CNTNAP3B: variants seen among roughly 807,000 people sequenced by gnomAD.
The protein encoded by CNTNAP3B is contactin associated protein family member 3B, also known as contactin-associated protein-like 3B.
A neutral mutation model predicts 108.9 loss-of-function variants in CNTNAP3B; 25 were observed. The observed-to-expected ratio is 0.23, with a 90% CI of 0.17 to 0.32. CNTNAP3B has a LOEUF of 0.32. Among genes scored for constraint, CNTNAP3B ranks in the 10% least tolerant of loss-of-function variants. CNTNAP3B has a pLI of 1.00. For missense variants in CNTNAP3B, 252 were observed against 1,210.4 expected, an observed-to-expected ratio of 0.21 and a Z score of 11.75; for synonymous variants, 103 against 473.4, an observed-to-expected ratio of 0.22 and a Z score of 10.16.
At chr9:41,921,409 C>G (rs1182569616) in intron 17 of CNTNAP3B, among the ~76,000 whole-genome samples, 4 of 151,708 alleles carry the variant, frequency 2.6e-5, no homozygotes, top group Admixed American at 2.6e-4. Flanking sequence ...GTATAACACC[C>G]CATCCACATC....
At chr9:42,046,482 G>T in intron 3 of CNTNAP3B, among the ~76,000 whole-genome samples, 1 of 124,478 alleles carries the variant, frequency 8.0e-6, no homozygotes, top group African/African-American at 3.3e-5. Flanking sequence ...AGTACACTTT[G>T]GGATGAAGCA....
At chr9:42,113,459 T>C (rs999325384) in intron 1 of CNTNAP3B, among the ~76,000 whole-genome samples, 2 of 139,868 alleles carry the variant, frequency 1.4e-5, no homozygotes, top group Non-Finnish European at 3.1e-5. Context: ...TTTTTGAGAC[T>C]TACTGCTAAG....
Position 41,990,407 on chromosome 9 carries a change from CT to C in CNTNAP3B, c.1333+1202del, listed in dbSNP as rs1189837187. 3.5e-4 allele frequency among the ~76,000 whole-genome samples: 46 copies of C among 130,618 alleles called. 2 individuals are homozygous for C. The highest frequency in any genetic ancestry group is 1.7e-3 in the Admixed American group (22 of 12,692). The allele number at this position is 130,618 out of a possible 152,430, so 85.7% of individuals were successfully genotyped here. A position where few individuals can be genotyped will look rare whatever the true frequency, so the allele number is the denominator to read the frequency against. ...CCTCTGAATATCTGTTTTATCTCCC[CT>C]GAAACACCTGTGTGAGGTGGACACA... On this transcript the variant is annotated intron_variant, in intron 8 of 23. Transcript: ENST00000377561.
At chr9:41,925,094 G>C (rs1477969299) in intron 15 of CNTNAP3B, among the ~76,000 whole-genome samples, 5 of 151,952 alleles carry the variant, frequency 3.3e-5, no homozygotes, top group Admixed American at 6.6e-5. Flanking sequence ...CCAACATGAA[G>C]TTATTATTTT....
At chr9:42,096,320 G>T (rs1463044474) in intron 2 of CNTNAP3B, among the ~76,000 whole-genome samples, 5 of 139,906 alleles carry the variant, frequency 3.6e-5, no homozygotes, top group African/African-American at 1.4e-4. Context: ...GCATACTATC[G>T]TGCAGTCCTG....
rs1422197555 is a variant in CNTNAP3B, at chr9:41,925,465, T to C, written c.2366-1372A>G. ...AAAATTAGCCAGGCATGGTGGTGGGTGCCTGTAGTCCCAGCTAGTCGGGAG... is the reference window on the plus strand; with the variant it reads ...AAAATTAGCCAGGCATGGTGGTGGGCGCCTGTAGTCCCAGCTAGTCGGGAG... On this transcript the variant is annotated intron_variant, in intron 15 of 23. Transcript: ENST00000377561. Among the ~76,000 whole-genome samples, 8 of 152,262 alleles carry C rather than the reference T, an allele frequency of 5.3e-5. No homozygotes were observed. The South Asian group carries it at 6.2e-4, about 12-fold the overall frequency.
chr9:41,939,862 C>T (rs1824280583), intron 13 of CNTNAP3B, among the ~76,000 whole-genome samples: 1 of 152,034 alleles, frequency 6.6e-6, no homozygotes, highest in African/African-American at 2.4e-5. Flanking sequence ...CCTGCTATTT[C>T]CACCAAGTAT....
At chr9:41,922,126 T>C in intron 17 of CNTNAP3B, among the ~76,000 whole-genome samples, 1 of 139,174 alleles carries the variant, frequency 7.2e-6, no homozygotes, top group Non-Finnish European at 1.6e-5. Flanking sequence ...GAGGCTTGGC[T>C]ATCTCATCTG....
chr9:42,026,586 C>T lies in CNTNAP3B; in HGVS notation c.391-13061G>A, dbSNP rs1206577501. Among the ~76,000 whole-genome samples the T allele has an allele frequency of 3.4e-5, 3 of 89,372 alleles. 1 individual carries two copies. Among genetic ancestry groups the T allele is most frequent in the African/African-American group, 1.3e-4 (3 of 23,144 alleles). 58.6% of individuals were successfully genotyped at this position (89,372 alleles called of 152,430 possible). ...CAGCCCGGGCGACAGAGTGAGCCTC[C>T]GTCTCAGGGAAAAAAAAAAAAAAAA... is the stretch of plus-strand genomic sequence containing the variant. On this transcript the variant is annotated intron_variant, in intron 3 of 23. Transcript: ENST00000377561.
At chr9:41,964,891 G>C (rs1473172605) in intron 10 of CNTNAP3B, among the ~76,000 whole-genome samples, 1 of 152,206 alleles carries the variant, frequency 6.6e-6, no homozygotes, top group East Asian at 1.9e-4. Context: ...TTTTTTCTTT[G>C]TCCCAAGTGA....
chr9:41,933,669 A>G (rs1824049520), intron 14 of CNTNAP3B, among the ~76,000 whole-genome samples: 1 of 152,382 alleles, frequency 6.6e-6, no homozygotes, highest in East Asian at 1.9e-4. Context: ...ATTTCTTTAT[A>G]TTATTTTGGA....
intron 10 of CNTNAP3B, among the ~76,000 whole-genome samples, chr9:41,968,822 G>A (rs1436154722): frequency 2.7e-5 from 4 of 147,102 alleles, no homozygotes; most frequent in Admixed American, 2.0e-4. Context: ...TTTTTGAGAA[G>A]AGTCTGGCTC....
chr9:42,124,138 T>C (rs1432230672), intron 1 of CNTNAP3B, among the ~76,000 whole-genome samples: 3 of 138,552 alleles, frequency 2.2e-5, no homozygotes, highest in Admixed American at 7.2e-5. Context: ...ATCCTGTAGT[T>C]ATAAGGTTAA....
chr9:41,964,759 C>A lies in CNTNAP3B; in HGVS notation c.1650-115G>T, dbSNP rs529556018. ...GCATACGCAAGATAACCCCACATGA[C>A]GTGATTACTGGGTCTGCCATCAAGG... On this transcript the variant is annotated intron_variant, in intron 10 of 23. Transcript: ENST00000377561. 16 of 1,360,098 alleles carry A rather than the reference C, an allele frequency of 1.2e-5. No homozygotes were observed. The African/African-American group carries it at 2.0e-4, about 17-fold the overall frequency. 84.3% of individuals were successfully genotyped at this position (1,360,098 alleles called of 1,614,324 possible).
rs1490615385 is a variant in CNTNAP3B, at chr9:42,129,095, G to T, written c.-1C>A. The T allele has an allele frequency of 1.3e-6, 2 of 1,595,172 alleles. No homozygotes were observed. Among genetic ancestry groups the T allele is most frequent in the African/African-American group, 2.9e-5 (2 of 68,796 alleles). On this transcript the variant is annotated 5_prime_UTR_variant, in exon 1 of 24. Transcript: ENST00000377561. ...GGACGGCCCAGGCCACTGAAGCCAT[G>T]CTCACTTCAGCCAGGCGCCCTGAGA...
intron 1 of CNTNAP3B, among the ~76,000 whole-genome samples, chr9:42,113,029 A>G (rs1222069084): frequency 7.4e-6 from 1 of 134,662 alleles, no homozygotes; most frequent in Admixed American, 7.5e-5. Context: ...TGCTGGGATT[A>G]CAGGCGTGAG....
At chr9:41,945,861 A>T (rs1824517528) in intron 13 of CNTNAP3B, among the ~76,000 whole-genome samples, 1 of 152,018 alleles carries the variant, frequency 6.6e-6, no homozygotes, top group African/African-American at 2.4e-5. Context: ...TTTAAATATA[A>T]AATAGCGGGT....
chr9:41,933,997 A>G (rs377383285), intron 14 of CNTNAP3B, among the ~76,000 whole-genome samples: 19 of 151,724 alleles, frequency 1.3e-4, no homozygotes, highest in Admixed American at 4.6e-4. Flanking sequence ...TTTGTTAATT[A>G]TAATATTAAA....
At chr9:41,929,543 G>A in intron 14 of CNTNAP3B, 99 bp from the exon 15 acceptor site, 1 of 1,434,800 alleles carries the variant, frequency 7.0e-7, no homozygotes, top group Non-Finnish European at 9.4e-7. Flanking sequence ...ACATCATAGA[G>A]CTTAACAGAA....
Sources: allele counts gnomAD v4.1 joint callset (sites outside exome capture counted in the v4.1 genomes callset), GRCh38; gene constraint gnomAD v4.1.1; transcripts MANE v1.5; gene names NCBI Gene and HGNC (gene_info 2026-07-23, HGNC 2026-07-21).